Variants in SCHIP1 observed in about 807,000 individuals in gnomAD.
SCHIP1 encodes the protein schwannomin interacting protein 1.
SCHIP1 carries 8 observed loss-of-function variants against 29.7 expected under a neutral mutation model. That is an observed-to-expected ratio of 0.27 (90% confidence interval 0.16 to 0.49). The LOEUF (loss-of-function observed/expected upper bound fraction) is 0.49, where lower values mean the gene tolerates loss of function less well. Among genes scored for constraint, SCHIP1 ranks in the 20% least tolerant of loss-of-function variants. The probability of loss-of-function intolerance (pLI) is 0.99; values close to 1 mark genes in which losing one functional copy is unlikely to be tolerated. For missense variants in SCHIP1, 193 were observed against 294.6 expected (o/e 0.66, Z 2.52); for synonymous variants, 76 against 94.9 (o/e 0.80, Z 1.16).
At chr3:159,684,158 T>C in the SCHIP1 span, among the ~76,000 whole-genome samples, 1 of 152,116 alleles carries the variant, frequency 6.6e-6, no homozygotes, top group Non-Finnish European at 1.5e-5. Context: ...ATTGAGCCAA[T>C]ATTTCTCTTG....
At chr3:159,796,803 T>C in the SCHIP1 span, among the ~76,000 whole-genome samples, 2 of 152,050 alleles carry the variant, frequency 1.3e-5, no homozygotes, top group Non-Finnish European at 2.9e-5. Flanking sequence ...AAGGCAAAAG[T>C]CATGAAAGGG....
the SCHIP1 span, among the ~76,000 whole-genome samples, chr3:159,371,833 G>C: frequency 8.3e-4 from 126 of 152,184 alleles, 3 homozygotes; most frequent in South Asian, 0.026. Flanking sequence ...CAAGAAAAAA[G>C]TCTGTACATG....
At chr3:159,652,459 C>T in the SCHIP1 span, among the ~76,000 whole-genome samples, 5 of 152,236 alleles carry the variant, frequency 3.3e-5, no homozygotes, top group African/African-American at 4.8e-5. Flanking sequence ...GGGACCCAGA[C>T]CTGCCCTGTG....
At chr3:159,313,355 T>C in the SCHIP1 span, among the ~76,000 whole-genome samples, 3 of 152,220 alleles carry the variant, frequency 2.0e-5, no homozygotes, top group African/African-American at 7.2e-5. Context: ...GGGCACTTTC[T>C]GTTTGTTTTT....
the SCHIP1 span, among the ~76,000 whole-genome samples, chr3:159,604,940 A>T: frequency 6.6e-6 from 1 of 152,242 alleles, no homozygotes; most frequent in Non-Finnish European, 1.5e-5. Context: ...TGAAACAAGC[A>T]GCAGCTACTA....
the SCHIP1 span, among the ~76,000 whole-genome samples, chr3:159,412,788 A>C: frequency 1.3e-5 from 2 of 152,164 alleles, no homozygotes; most frequent in Admixed American, 6.5e-5. Context: ...AGTTCTACTA[A>C]ACAGGTGACA....
At chr3:159,582,787 T>TACAC in the SCHIP1 span, among the ~76,000 whole-genome samples, 67,368 of 143,898 alleles carry the variant, frequency 0.47, 17,152 homozygotes, top group Non-Finnish European at 0.58. Flanking sequence ...AATATATATA[T>TACAC]ACACACACAC....
the SCHIP1 span, among the ~76,000 whole-genome samples, chr3:159,489,967 TC>T: frequency 2.6e-5 from 4 of 152,140 alleles, no homozygotes; most frequent in African/African-American, 4.8e-5. Flanking sequence ...TCTAGTTACC[TC>T]TGGAGAGAAG....
chr3:159,443,574 T>C, the SCHIP1 span, among the ~76,000 whole-genome samples: 3 of 152,104 alleles, frequency 2.0e-5, no homozygotes, highest in Admixed American at 2.0e-4. Flanking sequence ...AGTGGTGCCA[T>C]CTCGGCTTAC....
At chr3:159,549,243 T>C in the SCHIP1 span, among the ~76,000 whole-genome samples, 1 of 152,166 alleles carries the variant, frequency 6.6e-6, no homozygotes, top group Non-Finnish European at 1.5e-5. Context: ...GGATTTCCCA[T>C]TTAATTTCTA....
chr3:159,687,792 T>C, the SCHIP1 span, among the ~76,000 whole-genome samples: 1 of 152,176 alleles, frequency 6.6e-6, no homozygotes, highest in Admixed American at 6.5e-5. Flanking sequence ...GATGTTCCCC[T>C]TCCTGTGCCC....
the SCHIP1 span, among the ~76,000 whole-genome samples, chr3:159,384,088 A>C: frequency 6.6e-6 from 1 of 151,442 alleles, no homozygotes; most frequent in African/African-American, 2.4e-5. Context: ...TTCCTAATTG[A>C]ATACCCTTTA....
At chr3:159,863,663 G>T (rs1424164897) in intron 1 of SCHIP1, among the ~76,000 whole-genome samples, 5 of 152,196 alleles carry the variant, frequency 3.3e-5, no homozygotes, top group African/African-American at 1.2e-4. Context: ...TCTCTAAGTG[G>T]TGGGATTATG....
the SCHIP1 span, among the ~76,000 whole-genome samples, chr3:159,773,637 T>C: frequency 6.6e-6 from 1 of 152,246 alleles, no homozygotes; most frequent in South Asian, 2.1e-4. Context: ...ATTTTTATCA[T>C]TTGATAGAAA....
chr3:159,401,204 T>C, the SCHIP1 span: 3 of 956,698 alleles, frequency 3.1e-6, no homozygotes, highest in Non-Finnish European at 3.7e-6. Flanking sequence ...AAATACATGC[T>C]TTGTAATAAG....
rs140678352 is a variant in SCHIP1 at position 159,870,591 on chromosome 3, G to T, written c.149+4310G>T. On this transcript the variant is annotated intron_variant, in intron 2 of 6. Transcript: ENST00000445224. ...ACCCAGTCTAAACCTAAAGTGGTTA[G>T]GGAGTATTATATTTTTTCAGATACT... 3.0e-3 allele frequency among the ~76,000 whole-genome samples: 461 copies of T among 151,952 alleles called. 3 individuals are homozygous for T. The highest frequency in any genetic ancestry group is 0.011 in the African/African-American group (445 of 41,498).
the SCHIP1 span, among the ~76,000 whole-genome samples, chr3:159,425,187 A>T: frequency 6.6e-6 from 1 of 152,150 alleles, no homozygotes; most frequent in Non-Finnish European, 1.5e-5. Flanking sequence ...ATTCACACAT[A>T]ACAATATTAA....
At chr3:159,353,751 C>A in the SCHIP1 span, among the ~76,000 whole-genome samples, 1 of 152,038 alleles carries the variant, frequency 6.6e-6, no homozygotes, top group Non-Finnish European at 1.5e-5. Flanking sequence ...GCCAAGGTAG[C>A]CCTTGTAGTA....
chr3:159,477,229 G>A, the SCHIP1 span, among the ~76,000 whole-genome samples: 33 of 152,228 alleles, frequency 2.2e-4, no homozygotes, highest in African/African-American at 7.2e-4. Flanking sequence ...TGGCTATTGT[G>A]AATAATGCTG....
Sources: gnomAD v4.1 joint callset for allele counts (sites outside exome capture counted in the v4.1 genomes callset) on GRCh38, gnomAD v4.1.1 for gene constraint, MANE v1.5 for transcripts, NCBI Gene and HGNC (gene_info 2026-07-23, HGNC 2026-07-21) for gene names.